The following CD2AP variants were observed in gnomAD, a reference collection of about 807,000 sequenced individuals.
The protein encoded by CD2AP is CD2 associated protein.
In CD2AP, 46 loss-of-function variants were observed where a neutral mutation model predicts 85.1. The ratio of observed to expected loss-of-function variants is 0.54; its 90% CI spans 0.43 to 0.69. CD2AP has a LOEUF of 0.69. CD2AP is among the 30% of genes least tolerant of loss of function. CD2AP has a pLI of 0.00. For synonymous variants in CD2AP, 255 were observed against 252.9 expected (o/e 1.01, Z -0.08); for missense variants, 769 against 729.5 (o/e 1.05, Z -0.62).
At chr6:47,570,236 C>T (rs186177535) in intron 5 of CD2AP, among the ~76,000 whole-genome samples, 15 of 151,660 alleles carry the variant, frequency 9.9e-5, no homozygotes, top group Non-Finnish European at 4.4e-5. Context: ...TCTTTTAAGT[C>T]ACTTTATATG....
intron 2 of CD2AP, among the ~76,000 whole-genome samples, chr6:47,512,423 T>TA (rs1335230192): frequency 1.3e-5 from 2 of 152,192 alleles, no homozygotes; most frequent in African/African-American, 4.8e-5. Context: ...AGGCTTCTTG[T>TA]AAAAAACTCA....
Position 47,594,585 on chromosome 6 carries a change from GTT to G in CD2AP, c.1109-1274_1109-1273del, listed in dbSNP as rs549250016. Among the ~76,000 whole-genome samples, 59 of 151,990 alleles carry G rather than the reference GTT, an allele frequency of 3.9e-4. No individual in the cohort carries two copies. In the South Asian group the frequency reaches 0.012, roughly 30 times the overall value. ...CATCTCTTAATTTCTAGAAATTTAA[GTT>G]TGGCTGGTTGTTATAACTACAAATA... On this transcript the variant is annotated intron_variant, in intron 11 of 17. Transcript: ENST00000359314.
At chr6:47,576,096 A>G (rs1768301739) in intron 6 of CD2AP, among the ~76,000 whole-genome samples, 1 of 152,104 alleles carries the variant, frequency 6.6e-6, no homozygotes, top group Non-Finnish European at 1.5e-5. Context: ...GTTTTTAGAG[A>G]TAGGGTCTCA....
At chr6:47,609,348 G>T (rs1769363474) in intron 16 of CD2AP, 44 bp downstream of exon 16, 1 of 1,461,580 alleles carries the variant, frequency 6.8e-7, no homozygotes, top group East Asian at 2.3e-5. Flanking sequence ...CTTAACCCAT[G>T]CATAAAGAAT....
intron 6 of CD2AP, among the ~76,000 whole-genome samples, chr6:47,575,891 G>A (rs371570657): frequency 6.6e-6 from 1 of 151,846 alleles, no homozygotes; most frequent in African/African-American, 2.4e-5. Context: ...TTAAAATCTG[G>A]GCTTTGCTGC....
At chr6:47,478,311 C>T in intron 1 of CD2AP, 63 bp downstream of exon 1, 3 of 1,550,472 alleles carry the variant, frequency 1.9e-6, no homozygotes, top group Non-Finnish European at 2.6e-6. Flanking sequence ...AGGCTGTGCC[C>T]TTTCTCGGCC....
intron 13 of CD2AP, among the ~76,000 whole-genome samples, chr6:47,605,287 T>C (rs1178654846): frequency 6.6e-6 from 1 of 152,014 alleles, no homozygotes; most frequent in Admixed American, 6.6e-5. Context: ...TGTAGCAGTT[T>C]ACCTTTTGGG....
rs778525256 is a variant in CD2AP, at chr6:47,627,161, T to C, written c.*2934T>C. The C allele has an allele frequency of 2.0e-5, 3 of 152,546 alleles. No individual in the cohort carries two copies. Among genetic ancestry groups the C allele is most frequent in the Non-Finnish European group, 4.4e-5 (3 of 67,968 alleles). The allele number at this position is 152,546 out of a possible 1,614,324, so 9.4% of individuals were successfully genotyped here. A position where few individuals can be genotyped will look rare whatever the true frequency, so the allele number is the denominator to read the frequency against. On this transcript the variant is annotated 3_prime_UTR_variant, in exon 18 of 18. Coordinates refer to ENST00000359314, the MANE Select transcript of CD2AP (RefSeq NM_012120.3). The stretch of plus-strand genomic sequence containing the variant: ...CAGTCGTGTCAGTCTTTATTGGTTA[T>C]TTTTTGTTAACTTTAGCATTTGTGT...
chr6:47,623,771 A>G (rs1254061649), intron 17 of CD2AP, among the ~76,000 whole-genome samples: 1 of 152,148 alleles, frequency 6.6e-6, no homozygotes, highest in East Asian at 1.9e-4. Context: ...ATTAAGTATA[A>G]TTAGTGAAAA....
chr6:47,488,944 G>A (rs1275684051), intron 1 of CD2AP: 1 of 152,060 alleles, frequency 6.6e-6, no homozygotes, highest in Non-Finnish European at 1.5e-5. Context: ...ATTTTGGGTG[G>A]ATGCTTAGAA....
intron 14 of CD2AP, among the ~76,000 whole-genome samples, chr6:47,607,682 A>G (rs1229071805): frequency 6.6e-6 from 1 of 152,108 alleles, no homozygotes; most frequent in Non-Finnish European, 1.5e-5. Flanking sequence ...TAAACACTAT[A>G]GTACTTTTAA....
intron 4 of CD2AP, among the ~76,000 whole-genome samples, chr6:47,545,797 C>T (rs1767350366): frequency 6.6e-6 from 1 of 152,130 alleles, no homozygotes; most frequent in East Asian, 1.9e-4. Context: ...AGCCACATCC[C>T]TAGGAAAAGA....
At chr6:47,573,962 C>T in intron 5 of CD2AP, 102 bp from the exon 6 acceptor site, 1 of 1,018,658 alleles carries the variant, frequency 9.8e-7, no homozygotes, top group African/African-American at 1.6e-5. Context: ...TTTTTTTCTA[C>T]TGTGTTTTAT....
intron 17 of CD2AP, among the ~76,000 whole-genome samples, chr6:47,618,427 G>A (rs1769656290): frequency 6.6e-6 from 1 of 151,964 alleles, no homozygotes. Context: ...TATTCTACCT[G>A]TCTTTGAGAC....
At chr6:47,607,091 A>G (rs1769296551) in intron 14 of CD2AP, among the ~76,000 whole-genome samples, 1 of 152,040 alleles carries the variant, frequency 6.6e-6, no homozygotes, top group Non-Finnish European at 1.5e-5. Flanking sequence ...TAGTTCACTT[A>G]ACATAATGAA....
intron 1 of CD2AP, among the ~76,000 whole-genome samples, chr6:47,479,453 A>G (rs952866158): frequency 2.0e-5 from 3 of 152,114 alleles, no homozygotes; most frequent in Non-Finnish European, 4.4e-5. Flanking sequence ...TTCTAATTTT[A>G]TGTTCCCTTC....
intron 3 of CD2AP, among the ~76,000 whole-genome samples, chr6:47,540,839 A>G (rs1480360393): frequency 6.6e-6 from 1 of 152,250 alleles, no homozygotes; most frequent in Admixed American, 6.5e-5. Flanking sequence ...CTTGAACAAA[A>G]TAGACATTTC....
intron 15 of CD2AP, 88 bp downstream of exon 15, chr6:47,608,116 C>G (rs1250470122): frequency 1.1e-6 from 1 of 923,760 alleles, no homozygotes; most frequent in Non-Finnish European, 1.7e-6. Flanking sequence ...TTCTTTAGGA[C>G]GAATTATTTT....
rs73736412 is a variant in CD2AP at position 47,488,200 on chromosome 6, G to A, written c.4+9952G>A. On this transcript the variant is annotated intron_variant, in intron 1 of 17. Transcript: ENST00000359314. ...AAATAAAGGGAAAGTTTGGCAGAGA[G>A]AGACATTTCTGTATGAGTCTCCAAT... 5.4e-3 allele frequency among the ~76,000 whole-genome samples: 829 copies of A among 152,204 alleles called. 9 individuals are homozygous for A. The highest frequency in any genetic ancestry group is 0.019 in the African/African-American group (794 of 41,538).
Sources: allele counts gnomAD v4.1 joint callset (sites outside exome capture counted in the v4.1 genomes callset), GRCh38; gene constraint gnomAD v4.1.1; transcripts MANE v1.5; gene names NCBI Gene and HGNC (gene_info 2026-07-23, HGNC 2026-07-21).